CSMD1: variants seen among roughly 807,000 people sequenced by gnomAD.
CSMD1 encodes the protein CUB and sushi domain-containing protein 1.
Under a neutral mutation model 417.5 loss-of-function variants are expected in CSMD1, and 213 were observed. The observed-to-expected ratio is 0.51, with a 90% CI of 0.46 to 0.57. The LOEUF is 0.57. CSMD1 is among the 20% of genes least tolerant of loss of function. The pLI is 0.00. For synonymous variants in CSMD1, 2,862 were observed against 1,736.8 expected (o/e 1.65, Z -16.11); for missense variants, 6,923 against 4,529.7 (o/e 1.53, Z -15.17).
intron 1 of CSMD1, among the ~76,000 whole-genome samples, chr8:4,893,047 C>G (rs1490276475): frequency 6.6e-6 from 1 of 152,104 alleles, no homozygotes; most frequent in Non-Finnish European, 1.5e-5. Flanking sequence ...AACTGACTTC[C>G]AGGAATGAGG....
chr8:3,948,843 T>C (rs574883332), intron 5 of CSMD1, among the ~76,000 whole-genome samples: 4 of 152,094 alleles, frequency 2.6e-5, no homozygotes, highest in Admixed American at 1.3e-4. Flanking sequence ...TTGCAAGGGG[T>C]ATCCAATTTT....
intron 6 of CSMD1, among the ~76,000 whole-genome samples, chr8:3,729,819 A>T (rs142712299): frequency 1.1e-3 from 162 of 151,626 alleles, no homozygotes; most frequent in Non-Finnish European, 1.9e-3. Flanking sequence ...TCTACAGCAT[A>T]TTTATAAACA....
At chr8:3,773,984 T>G (rs1175685285) in intron 5 of CSMD1, among the ~76,000 whole-genome samples, 1 of 152,164 alleles carries the variant, frequency 6.6e-6, no homozygotes, top group African/African-American at 2.4e-5. Context: ...CTGCATCTAT[T>G]TGCTCTTAAT....
At chr8:4,931,623 C>T (rs1019443333) in intron 1 of CSMD1, among the ~76,000 whole-genome samples, 3 of 152,144 alleles carry the variant, frequency 2.0e-5, no homozygotes, top group Admixed American at 6.5e-5. Context: ...GTCCTGCAAC[C>T]ATAAAACATC....
At chr8:3,482,474 C>G (rs1055107532) in intron 11 of CSMD1, among the ~76,000 whole-genome samples, 4 of 152,168 alleles carry the variant, frequency 2.6e-5, no homozygotes, top group African/African-American at 9.6e-5. Flanking sequence ...AAATATGTAA[C>G]ACTCCTAAAT....
intron 41 of CSMD1, 59 bp from the exon 42 acceptor site, chr8:3,118,646 A>G: frequency 2.0e-6 from 3 of 1,502,066 alleles, no homozygotes; most frequent in Non-Finnish European, 2.7e-6. Context: ...TTACTTCGGA[A>G]TTTGCAGGAG....
intron 3 of CSMD1, among the ~76,000 whole-genome samples, chr8:4,364,274 A>G (rs1038094772): frequency 1.8e-4 from 28 of 152,326 alleles, no homozygotes; most frequent in African/African-American, 5.8e-4. Flanking sequence ...AAAGGATTAC[A>G]ACTTTCTTTA....
At chr8:4,129,724 T>G (rs1802981173) in intron 3 of CSMD1, among the ~76,000 whole-genome samples, 1 of 152,140 alleles carries the variant, frequency 6.6e-6, no homozygotes, top group African/African-American at 2.4e-5. Flanking sequence ...GTATTCAGTT[T>G]TCTTGGGCCC....
intron 2 of CSMD1, among the ~76,000 whole-genome samples, chr8:4,467,131 A>G (rs552599462): frequency 1.7e-3 from 252 of 150,810 alleles, no homozygotes; most frequent in African/African-American, 5.8e-3. Flanking sequence ...GTAAAAAAAA[A>G]AAAAAAAAAG....
intron 49 of CSMD1, among the ~76,000 whole-genome samples, chr8:3,084,922 CTA>C (rs34463934): frequency 0.23 from 35,021 of 151,146 alleles, 4,172 homozygotes; most frequent in Non-Finnish European, 0.26. Flanking sequence ...GCATTATAAT[CTA>C]TATATATAAT....
intron 1 of CSMD1, among the ~76,000 whole-genome samples, chr8:4,808,744 C>T (rs145146712): frequency 2.5e-3 from 378 of 152,302 alleles, no homozygotes; most frequent in Non-Finnish European, 4.2e-3. Context: ...AATGGGAGAA[C>T]ATTAAAACAT....
At chr8:4,669,901 G>C (rs1345884863) in intron 1 of CSMD1, among the ~76,000 whole-genome samples, 1 of 152,162 alleles carries the variant, frequency 6.6e-6, no homozygotes, top group East Asian at 1.9e-4. Flanking sequence ...GAAAGGTGCA[G>C]AGCCCCAGTG....
rs763107120 is a variant in CSMD1 at position 3,107,807 on chromosome 8, T to C, written c.6755-9A>G. 6.5e-7 allele frequency: 1 copy of C among 1,547,290 alleles called. No homozygotes were observed. The highest frequency in any genetic ancestry group is 8.8e-7 in the Non-Finnish European group (1 of 1,140,258). On this transcript the variant is annotated splice_polypyrimidine_tract_variant and intron_variant, in intron 44 of 69. Coordinates refer to ENST00000635120, the MANE Select transcript of CSMD1 (RefSeq NM_033225.6). ...TTTCTTGAGCTGAAATGCTAAATGATTAATGGAAAGAATAATAATAATTGC... is the reference window on the plus strand; with the variant it reads ...TTTCTTGAGCTGAAATGCTAAATGACTAATGGAAAGAATAATAATAATTGC...
At chr8:4,676,756 C>G (rs1031145274) in intron 1 of CSMD1, among the ~76,000 whole-genome samples, 2 of 151,900 alleles carry the variant, frequency 1.3e-5, no homozygotes, top group Admixed American at 6.6e-5. Flanking sequence ...TTAGTTTGTT[C>G]TTAGCCCACC....
chr8:3,795,205 T>C (rs1390566192), intron 5 of CSMD1, among the ~76,000 whole-genome samples: 1 of 110,580 alleles, frequency 9.0e-6, no homozygotes, highest in Non-Finnish European at 1.7e-5. Flanking sequence ...TGTACAGATA[T>C]AGATACCTAT....
chr8:3,553,725 A>G (rs904106543), intron 10 of CSMD1, among the ~76,000 whole-genome samples: 3 of 152,240 alleles, frequency 2.0e-5, no homozygotes. Context: ...AAGACATTAA[A>G]ATATGTGAAG....
chr8:3,816,199 T>A (rs1284078462), intron 5 of CSMD1, among the ~76,000 whole-genome samples: 2 of 152,250 alleles, frequency 1.3e-5, no homozygotes, highest in African/African-American at 4.8e-5. Flanking sequence ...TCTGGGAGAA[T>A]CACGACTTTT....
Position 3,802,166 on chromosome 8 carries a change from C to T in CSMD1, c.819-48124G>A, listed in dbSNP as rs370943930. Among the ~76,000 whole-genome samples, 480 of 152,088 alleles carry T rather than the reference C, an allele frequency of 3.2e-3. 3 individuals carry two copies. The highest frequency in any genetic ancestry group is 0.014 in the Middle Eastern group (4 of 294). On this transcript the variant is annotated intron_variant, in intron 5 of 69. Coordinates refer to ENST00000635120, the MANE Select transcript of CSMD1 (RefSeq NM_033225.6). ...TACTGCAGCATTCAAAAAATAATTA[C>T]TATGACAATAAAGAAAGACATTAAA...
At chr8:4,773,166 T>C (rs1203310267) in intron 1 of CSMD1, among the ~76,000 whole-genome samples, 1 of 152,190 alleles carries the variant, frequency 6.6e-6, no homozygotes, top group Non-Finnish European at 1.5e-5. Context: ...AAATCTGAAA[T>C]GTTCCTGTGA....
Sources: allele counts gnomAD v4.1 joint callset (sites outside exome capture counted in the v4.1 genomes callset), GRCh38; gene constraint gnomAD v4.1.1; transcripts MANE v1.5; gene names NCBI Gene and HGNC (gene_info 2026-07-23, HGNC 2026-07-21).